Variants in ARF3 observed in about 807,000 individuals in gnomAD.
ARF3 encodes the protein ADP-ribosylation factor 3.
A neutral mutation model predicts 19.3 loss-of-function variants in ARF3; 5 were observed. That is an observed-to-expected ratio of 0.26 (90% CI 0.14 to 0.54). The LOEUF (loss-of-function observed/expected upper bound fraction) is 0.54, where lower values mean the gene tolerates loss of function less well. ARF3 is among the 20% of genes least tolerant of loss of function. The pLI, the probability that ARF3 is intolerant of heterozygous loss-of-function variation, is 0.95. For missense variants in ARF3, 77 were observed against 234.2 expected (o/e 0.33, Z 4.38); for synonymous variants, 71 against 89.2 (o/e 0.80, Z 1.15).
At chr12:48,950,074 CTA>C (rs1231305143) in intron 1 of ARF3, among the ~76,000 whole-genome samples, 1 of 152,206 alleles carries the variant, frequency 6.6e-6, no homozygotes, top group African/African-American at 2.4e-5. Context: ...TGGGGTCCCA[CTA>C]TGTTGCCCAC....
chr12:48,948,728 T>A, intron 1 of ARF3, among the ~76,000 whole-genome samples: 1 of 151,890 alleles, frequency 6.6e-6, no homozygotes, highest in Non-Finnish European at 1.5e-5. Context: ...GGAGAATTGC[T>A]TGAACCCAGG....
intron 1 of ARF3, among the ~76,000 whole-genome samples, chr12:48,945,850 G>A (rs1940349363): frequency 6.6e-6 from 1 of 152,128 alleles, no homozygotes. Context: ...TGTCACCCAG[G>A]CTGGAGTGCA....
rs375118326 is a variant in ARF3 at position 48,938,559 on chromosome 12, AG to A, written c.*387del. 4.1e-4 allele frequency: 187 copies of A among 457,994 alleles called. 1 individual carries two copies. Among genetic ancestry groups the A allele is most frequent in the African/African-American group, 3.5e-3 (175 of 50,336 alleles). The allele number at this position is 457,994 out of a possible 1,614,324, so 28.4% of individuals were successfully genotyped here. A position where few individuals can be genotyped will look rare whatever the true frequency, so the allele number is the denominator to read the frequency against. The stretch of plus-strand genomic sequence containing the variant: ...AGAGGGTGGCAAAGGAAAGGCAAAC[AG>A]GGAGTAGAAGGGCTTGTGGGGACAG... On this transcript the variant is annotated 3_prime_UTR_variant, in exon 5 of 5. Coordinates refer to ENST00000256682, the MANE Select transcript of ARF3 (RefSeq NM_001659.3).
In ARF3 at chr12:48,938,920, G is replaced by A. The variant is rs1940203319; in HGVS notation, c.*27C>T. The A allele has an allele frequency of 2.5e-6, 4 of 1,606,604 alleles. No homozygotes were observed. Among genetic ancestry groups the A allele is most frequent in the Non-Finnish European group, 2.6e-6 (3 of 1,176,390 alleles). On this transcript the variant is annotated 3_prime_UTR_variant, in exon 5 of 5. Coordinates refer to ENST00000256682, the MANE Select transcript of ARF3 (RefSeq NM_001659.3). Reference sequence around the variant, plus strand: ...ACAGTAGGTATGTCAGGGGTGGGTGGGGTGCTTTGTTAGGGCTGTCTGGCT... The same window carrying A: ...ACAGTAGGTATGTCAGGGGTGGGTGAGGTGCTTTGTTAGGGCTGTCTGGCT...
intron 1 of ARF3, among the ~76,000 whole-genome samples, chr12:48,941,775 A>G (rs1179067404): frequency 1.3e-5 from 2 of 152,222 alleles, no homozygotes; most frequent in African/African-American, 4.8e-5. Flanking sequence ...CCGCACTCTT[A>G]AAAGAAGCCG....
chr12:48,951,787 G>A (rs940237989), intron 1 of ARF3, among the ~76,000 whole-genome samples: 2 of 151,870 alleles, frequency 1.3e-5, no homozygotes, highest in African/African-American at 4.8e-5. Context: ...GCTGAGGCAG[G>A]AGAATGGTTT....
At chr12:48,942,098 C>T (rs1408584160) in intron 1 of ARF3, among the ~76,000 whole-genome samples, 1 of 152,162 alleles carries the variant, frequency 6.6e-6, no homozygotes, top group African/African-American at 2.4e-5. Flanking sequence ...GGCTTCATAG[C>T]TCCTTTTCAG....
At chr12:48,956,045 T>C (rs563060322) in intron 1 of ARF3, 1 of 152,364 alleles carries the variant, frequency 6.6e-6, no homozygotes, top group South Asian at 2.1e-4. Context: ...TGGAAACACC[T>C]ACCCCAACAA....
chr12:48,950,705 A>G (rs1940450976), intron 1 of ARF3, among the ~76,000 whole-genome samples: 1 of 151,874 alleles, frequency 6.6e-6, no homozygotes, highest in South Asian at 2.1e-4. Flanking sequence ...GGCAACCACC[A>G]TTCTCCTGTC....
At chr12:48,956,335 C>T (rs1940565626) in intron 1 of ARF3, 1 of 152,364 alleles carries the variant, frequency 6.6e-6, no homozygotes, top group Admixed American at 6.5e-5. Context: ...ACCTCCACCA[C>T]CACATTCCTC....
intron 1 of ARF3, among the ~76,000 whole-genome samples, chr12:48,945,439 G>A (rs926319804): frequency 7.9e-5 from 12 of 152,060 alleles, no homozygotes; most frequent in African/African-American, 2.4e-4. Context: ...AATTAGCCGG[G>A]TGTGGTGGCT....
intron 1 of ARF3, among the ~76,000 whole-genome samples, chr12:48,950,707 T>C (rs1178651182): frequency 6.6e-6 from 1 of 151,708 alleles, no homozygotes; most frequent in African/African-American, 2.4e-5. Flanking sequence ...CAACCACCAT[T>C]CTCCTGTCTC....
chr12:48,943,963 C>T (rs1466524261), intron 1 of ARF3, among the ~76,000 whole-genome samples: 1 of 152,196 alleles, frequency 6.6e-6, no homozygotes, highest in African/African-American at 2.4e-5. Context: ...GACCCCTGAG[C>T]GACCTACCCA....
chr12:48,942,926 G>A (rs1182646861), intron 1 of ARF3, among the ~76,000 whole-genome samples: 2 of 152,142 alleles, frequency 1.3e-5, no homozygotes, highest in Non-Finnish European at 2.9e-5. Context: ...AGCCAACATG[G>A]TAAAACCCCA....
In ARF3 at chr12:48,937,866, T is replaced by C. The variant is rs1273242513; in HGVS notation, c.*1081A>G. ...CATCCAACCCCTAAGATCAGAAGGG[T>C]GGTGGGGCACTGGAAGGCAGGAATG... is the stretch of plus-strand genomic sequence containing the variant. On this transcript the variant is annotated 3_prime_UTR_variant, in exon 5 of 5. Coordinates refer to ENST00000256682, the MANE Select transcript of ARF3 (RefSeq NM_001659.3). The C allele has an allele frequency of 6.4e-6, 1 of 155,544 alleles. No individual in the cohort carries two copies. Among genetic ancestry groups the C allele is most frequent in the Non-Finnish European group, 1.4e-5 (1 of 70,170 alleles). 9.6% of individuals were successfully genotyped at this position (155,544 alleles called of 1,614,324 possible).
chr12:48,942,191 C>T (rs1940270633), intron 1 of ARF3, among the ~76,000 whole-genome samples: 1 of 152,000 alleles, frequency 6.6e-6, no homozygotes, highest in Admixed American at 6.6e-5. Context: ...CTACTACTCT[C>T]TCTTTGCTTA....
intron 1 of ARF3, 149 bp from the exon 2 acceptor site, chr12:48,941,337 C>T: frequency 2.3e-6 from 1 of 435,272 alleles, no homozygotes; most frequent in East Asian, 4.1e-5. Context: ...CAGATACATA[C>T]TGAGTCTTTG....
intron 1 of ARF3, among the ~76,000 whole-genome samples, chr12:48,950,374 C>G (rs895145680): frequency 7.7e-4 from 117 of 151,984 alleles, no homozygotes; most frequent in African/African-American, 2.7e-3. Flanking sequence ...TTTTGTTTAA[C>G]TGAAGTTTCG....
chr12:48,940,482 G>A (rs572344065), intron 2 of ARF3, among the ~76,000 whole-genome samples: 1 of 152,208 alleles, frequency 6.6e-6, no homozygotes, highest in South Asian at 2.1e-4. Context: ...GCAGAGTGAA[G>A]AAAGGGAAGT....
Sources: gnomAD v4.1 joint callset for allele counts (sites outside exome capture counted in the v4.1 genomes callset) on GRCh38, gnomAD v4.1.1 for gene constraint, MANE v1.5 for transcripts, NCBI Gene and HGNC (gene_info 2026-07-23, HGNC 2026-07-21) for gene names.